TRPM1: variants seen among roughly 807,000 people sequenced by gnomAD.
The protein encoded by TRPM1 is TRPM1-203 APA Isoform, Intron 10.
Under a neutral mutation model 149.4 loss-of-function variants are expected in TRPM1, and 113 were observed. The observed-to-expected ratio is 0.76, with a 90% CI of 0.65 to 0.88. The LOEUF (loss-of-function observed/expected upper bound fraction) is 0.88, where lower values mean the gene tolerates loss of function less well. Among genes scored for constraint, TRPM1 ranks in the 40% least tolerant of loss-of-function variants. TRPM1 has a pLI of 0.00. For synonymous variants in TRPM1, 741 were observed against 759.5 expected, an observed-to-expected ratio of 0.98 and a Z score of 0.40; for missense variants, 1,976 against 2,038.7, an observed-to-expected ratio of 0.97 and a Z score of 0.59.
chr15:31,121,015 T>A (rs547343663), intron 1 of TRPM1, among the ~76,000 whole-genome samples: 18 of 151,202 alleles, frequency 1.2e-4, no homozygotes, highest in Non-Finnish European at 2.2e-4. Flanking sequence ...GATCACGAGG[T>A]CAGAAGTTCA....
rs34186876 is a variant in TRPM1, at chr15:31,021,702, TAA to T, written c.3629+4435_3629+4436del. ...CAAAGCAGTACCCTGTCTCTAGAAT[TAA>T]AAAAAAAAAAAAAAAAGACAAAACA... On this transcript the variant is annotated intron_variant, in intron 27 of 27. Transcript: ENST00000256552. Among the ~76,000 whole-genome samples, 399 of 119,240 alleles carry T rather than the reference TAA, an allele frequency of 3.3e-3. 1 individual carries two copies. The highest frequency in any genetic ancestry group is 0.01 in the African/African-American group (334 of 32,698). 78.2% of individuals were successfully genotyped at this position (119,240 alleles called of 152,430 possible).
At chr15:31,113,242 AAGGG>A (rs1196693487) in intron 1 of TRPM1, among the ~76,000 whole-genome samples, 1 of 152,102 alleles carries the variant, frequency 6.6e-6, no homozygotes, top group Non-Finnish European at 1.5e-5. Flanking sequence ...ATCAACAAGA[AAGGG>A]AGGGCTCCAC....
rs773508261 is a variant in TRPM1 at position 31,028,373 on chromosome 15, G to A, written c.3252C>T (p.Val1084=). The A allele has an allele frequency of 1.5e-4, 236 of 1,614,010 alleles. 2 individuals carry two copies. The highest frequency in any genetic ancestry group is 1.3e-3 in the Middle Eastern group (8 of 6,072). ...TPALMACYLL[V]ANILLVNLLI... ...GCAGGTTCACCAGCAGGATGTTGGC[G>A]ACCAGTAGATAGCACGCCATGAGTG... is the stretch of plus-strand genomic sequence containing the variant. The change falls in exon 25 of 28, where the codon GTC becomes GTT. Residue 1084 remains valine (V), a synonymous_variant. Coordinates refer to ENST00000256552, the MANE Select transcript of TRPM1 (RefSeq NM_001252024.2).
intron 21 of TRPM1, among the ~76,000 whole-genome samples, chr15:31,033,702 C>T (rs2033202716): frequency 6.6e-6 from 1 of 152,010 alleles, no homozygotes; most frequent in Non-Finnish European, 1.5e-5. Context: ...ACAACCCATG[C>T]ACACTAGCCG....
At chr15:31,158,094 T>C (rs2141068265) in intron 1 of TRPM1, among the ~76,000 whole-genome samples, 1 of 152,208 alleles carries the variant, frequency 6.6e-6, no homozygotes, top group East Asian at 1.9e-4. Context: ...AAGCCAGAGG[T>C]ATTGTCTTTC....
At chr15:31,032,505 G>A (rs774183753) in intron 22 of TRPM1, among the ~76,000 whole-genome samples, 184 bp downstream of exon 22, 3 of 151,810 alleles carry the variant, frequency 2.0e-5, no homozygotes, top group Non-Finnish European at 4.4e-5. Context: ...TTTTTCTATT[G>A]GATTTTATTA....
intron 1 of TRPM1, among the ~76,000 whole-genome samples, chr15:31,100,812 T>C (rs1270906887): frequency 6.6e-6 from 1 of 152,214 alleles, no homozygotes; most frequent in Admixed American, 6.5e-5. Flanking sequence ...CAGACCATGA[T>C]TGATGTGTCC....
chr15:31,036,303 C>A (rs981994364), intron 20 of TRPM1, among the ~76,000 whole-genome samples: 2 of 152,160 alleles, frequency 1.3e-5, no homozygotes, highest in African/African-American at 4.8e-5. Context: ...AAGTAGATCA[C>A]CTGTCCCCAG....
At chr15:31,042,291 A>G (rs1422746979) in intron 16 of TRPM1, 48 bp from the exon 17 acceptor site, 1 of 1,543,878 alleles carries the variant, frequency 6.5e-7, no homozygotes, top group Non-Finnish European at 8.7e-7. Context: ...AAAGTATGCA[A>G]CAAAGAGTTC....
intron 1 of TRPM1, among the ~76,000 whole-genome samples, chr15:31,147,878 C>T (rs968265515): frequency 1.3e-5 from 2 of 152,170 alleles, no homozygotes; most frequent in Non-Finnish European, 2.9e-5. Context: ...AGGTGGGCGG[C>T]TGCTGAACAG....
intron 1 of TRPM1, among the ~76,000 whole-genome samples, chr15:31,088,574 GA>G (rs951408591): frequency 5.9e-5 from 9 of 152,200 alleles, no homozygotes; most frequent in African/African-American, 2.2e-4. Flanking sequence ...CTTCACTGCT[GA>G]AGTGAGCAAG....
In TRPM1 at chr15:31,002,035, G is replaced by C. The variant is rs754554298; in HGVS notation, c.4665C>G (p.Asn1555Lys). The C allele has an allele frequency of 2.8e-5, 45 of 1,614,218 alleles. No homozygotes were observed. Among genetic ancestry groups the C allele is most frequent in the Non-Finnish European group, 3.7e-5 (44 of 1,180,042 alleles). Residue 1555 changes from asparagine (N) to lysine (K), a missense_variant, in exon 28 of 28, where the codon AAC becomes AAG. Physicochemically the swap from Asn to Lys is moderately conservative, Grantham distance 94. Coordinates refer to ENST00000256552, the MANE Select transcript of TRPM1 (RefSeq NM_001252024.2). ...TTTGATCTGGCTTCACAGACAGTAA[G>C]TTTTCCATCCCATTTCTGTCAGTAA... is the stretch of plus-strand genomic sequence containing the variant. ...LTITDRNGME[N>K]LLSVKPDQTL... is the part of the protein sequence containing the mutation.
chr15:31,107,899 C>T (rs1451933555), intron 1 of TRPM1, among the ~76,000 whole-genome samples: 1 of 151,256 alleles, frequency 6.6e-6, no homozygotes, highest in Non-Finnish European at 1.5e-5. Flanking sequence ...GCTCTGTTGC[C>T]CAGGCTGGAG....
intron 2 of TRPM1, among the ~76,000 whole-genome samples, chr15:31,077,702 GT>G (rs1409312465): frequency 6.6e-6 from 1 of 152,116 alleles, no homozygotes; most frequent in Non-Finnish European, 1.5e-5. Flanking sequence ...GCCTGGCTCA[GT>G]GCGTATTTGT....
chr15:31,039,550 G>A (rs963430736), intron 18 of TRPM1, among the ~76,000 whole-genome samples: 4 of 152,148 alleles, frequency 2.6e-5, no homozygotes, highest in African/African-American at 9.7e-5. Flanking sequence ...CTCTTCTCAA[G>A]ATAACCTAGT....
intron 25 of TRPM1, 145 bp from the exon 26 acceptor site, chr15:31,027,262 A>C: frequency 1.4e-6 from 1 of 738,256 alleles, no homozygotes; most frequent in South Asian, 1.8e-5. Flanking sequence ...TGATTATCCA[A>C]TCTTTTGGTT....
Position 31,007,828 on chromosome 15 carries a change from C to CATTT in TRPM1, c.3630-4762_3630-4759dup, listed in dbSNP as rs533014142. On this transcript the variant is annotated intron_variant, in intron 27 of 27. Coordinates refer to ENST00000256552, the MANE Select transcript of TRPM1 (RefSeq NM_001252024.2). ...AATACATGAATATGGTATATCCTCC[C>CATTT]ATTTATTTAAGTGATCTTTGATTTC... 1.5e-3 allele frequency among the ~76,000 whole-genome samples: 230 copies of CATTT among 152,276 alleles called. 10 individuals are homozygous for CATTT. In the South Asian group the frequency reaches 0.039, roughly 26 times the overall value.
chr15:31,038,033 G>A lies in TRPM1; in HGVS notation c.2439+11C>T, dbSNP rs772773851. On this transcript the variant is annotated intron_variant, in intron 19 of 27. Coordinates refer to ENST00000256552, the MANE Select transcript of TRPM1 (RefSeq NM_001252024.2). ...TACACTGATATGCTTAGGGTCAAGT[G>A]TGTCACTGACCGTATTTTCCTCTTC... 1.9e-6 allele frequency: 3 copies of A among 1,614,068 alleles called. No individual in the cohort carries two copies. Among genetic ancestry groups the A allele is most frequent in the Non-Finnish European group, 2.5e-6 (3 of 1,179,950 alleles).
chr15:31,113,648 A>G (rs147296434), intron 1 of TRPM1, among the ~76,000 whole-genome samples: 2 of 152,154 alleles, frequency 1.3e-5, no homozygotes, highest in East Asian at 1.9e-4. Context: ...TATTTTATCA[A>G]CTAGTTTTTT....
Sources: allele counts gnomAD v4.1 joint callset (sites outside exome capture counted in the v4.1 genomes callset), GRCh38; gene constraint gnomAD v4.1.1; transcripts MANE v1.5; gene names NCBI Gene and HGNC (gene_info 2026-07-23, HGNC 2026-07-21).